FGF12: variants seen among roughly 807,000 people sequenced by gnomAD.
The protein encoded by FGF12 is fibroblast growth factor 12, also known as fibroblast growth factor 12B.
In FGF12, 14 loss-of-function variants were observed where a neutral mutation model predicts 23.6. That is an observed-to-expected ratio of 0.59 (90% CI 0.39 to 0.93). The LOEUF is 0.93. Among genes scored for constraint, FGF12 ranks in the 40% least tolerant of loss-of-function variants. The pLI, the probability that FGF12 is intolerant of heterozygous loss-of-function variation, is 0.00. For missense variants in FGF12, 175 were observed against 217.8 expected (o/e 0.80, Z 1.24); for synonymous variants, 62 against 77.3 (o/e 0.80, Z 1.04).
chr3:192,188,535 G>A (rs1422567376), intron 4 of FGF12, among the ~76,000 whole-genome samples: 4 of 152,098 alleles, frequency 2.6e-5, no homozygotes, highest in African/African-American at 9.7e-5. Flanking sequence ...AAACTGCAGT[G>A]GACAGTTGAG....
In FGF12 at chr3:192,567,926, A is replaced by G. The variant is rs577812827; in HGVS notation, c.13+159255T>C. Among the ~76,000 whole-genome samples, 426 of 150,778 alleles carry G rather than the reference A, an allele frequency of 2.8e-3. 5 individuals carry two copies. Among genetic ancestry groups the G allele is most frequent in the Non-Finnish European group, 2.2e-3 (149 of 67,692 alleles). On this transcript the variant is annotated intron_variant, in intron 2 of 5. Coordinates refer to ENST00000445105, the MANE Select transcript of FGF12 (RefSeq NM_004113.6). The stretch of plus-strand genomic sequence containing the variant: ...TGGCTCACTACAACTTCCCCCTCCT[A>G]GGTGCAAGTGATTCTCCTGCCTCAG...
intron 2 of FGF12, among the ~76,000 whole-genome samples, chr3:192,513,957 CTT>C (rs1472812582): frequency 2.0e-5 from 3 of 152,182 alleles, no homozygotes; most frequent in Non-Finnish European, 4.4e-5. Flanking sequence ...TTTTGCAAGA[CTT>C]CAGCATAAAA....
chr3:192,429,861 C>G (rs1392103588), intron 2 of FGF12, among the ~76,000 whole-genome samples: 3 of 152,086 alleles, frequency 2.0e-5, no homozygotes, highest in African/African-American at 4.8e-5. Flanking sequence ...GTAAAAGGCC[C>G]TTAAGATATT....
chr3:192,553,818 A>T (rs1243417085), intron 2 of FGF12, among the ~76,000 whole-genome samples: 2 of 152,232 alleles, frequency 1.3e-5, no homozygotes, highest in Admixed American at 1.3e-4. Flanking sequence ...CTGCCCAAGG[A>T]ACTGGTTTAT....
chr3:192,194,267 T>C (rs929145976), intron 4 of FGF12, among the ~76,000 whole-genome samples: 3 of 152,210 alleles, frequency 2.0e-5, no homozygotes, highest in African/African-American at 7.2e-5. Flanking sequence ...CCTCAAAGTA[T>C]GCTGAGCCTC....
intron 2 of FGF12, among the ~76,000 whole-genome samples, chr3:192,380,423 T>C (rs1667659937): frequency 6.6e-6 from 1 of 152,118 alleles, no homozygotes; most frequent in African/African-American, 2.4e-5. Flanking sequence ...CAACTTTCAT[T>C]TGCCTGAATG....
At chr3:192,507,058 AT>A (rs1349747828) in intron 2 of FGF12, among the ~76,000 whole-genome samples, 1 of 151,550 alleles carries the variant, frequency 6.6e-6, no homozygotes, top group Non-Finnish European at 1.5e-5. Context: ...CGCCCGGCTA[AT>A]TTTTTTGTAT....
chr3:192,412,199 G>A (rs796782782), intron 2 of FGF12, among the ~76,000 whole-genome samples: 31 of 152,246 alleles, frequency 2.0e-4, no homozygotes, highest in African/African-American at 3.9e-4. Context: ...CCTGTGCACC[G>A]CCACCCTGCG....
rs535435827 is a variant in FGF12 at position 192,157,780 on chromosome 3, G to A, written c.427+12678C>T. ...ATAAAGCACACAGCTATAATAAACCGGGTGCCAAGTACCATCCTATGAGTA... is the reference window on the plus strand; with the variant it reads ...ATAAAGCACACAGCTATAATAAACCAGGTGCCAAGTACCATCCTATGAGTA... On this transcript the variant is annotated intron_variant, in intron 5 of 5. Transcript: ENST00000445105. 7.9e-5 allele frequency among the ~76,000 whole-genome samples: 12 copies of A among 152,214 alleles called. No individual in the cohort carries two copies. The South Asian group carries it at 2.3e-3, about 29-fold the overall frequency.
intron 5 of FGF12, among the ~76,000 whole-genome samples, chr3:192,144,462 G>T (rs761227877): frequency 3.3e-5 from 5 of 152,168 alleles, no homozygotes; most frequent in African/African-American, 1.2e-4. Flanking sequence ...TCGCTTTTTG[G>T]TCCTTAGTCT....
intron 2 of FGF12, among the ~76,000 whole-genome samples, chr3:192,561,889 AAAT>A (rs754554099): frequency 3.3e-5 from 5 of 151,272 alleles, no homozygotes; most frequent in African/African-American, 9.7e-5. Context: ...AAACATGGCA[AAAT>A]AATAATAATA....
chr3:192,639,509 T>C (rs1047044017), intron 2 of FGF12, among the ~76,000 whole-genome samples: 8 of 152,226 alleles, frequency 5.3e-5, no homozygotes, highest in Non-Finnish European at 1.0e-4. Context: ...TCCACATTCA[T>C]TGTAACGTTA....
intron 2 of FGF12, among the ~76,000 whole-genome samples, chr3:192,561,259 C>G (rs1712007036): frequency 6.6e-6 from 1 of 152,018 alleles, no homozygotes; most frequent in African/African-American, 2.4e-5. Flanking sequence ...TTTGAACAGG[C>G]ACGTCAGAAC....
At chr3:192,310,915 C>T (rs1359574719) in intron 4 of FGF12, among the ~76,000 whole-genome samples, 1 of 152,214 alleles carries the variant, frequency 6.6e-6, no homozygotes, top group Non-Finnish European at 1.5e-5. Flanking sequence ...TCCACTACTT[C>T]TTCCACTTTT....
At chr3:192,526,906 G>A (rs1477570138) in intron 2 of FGF12, among the ~76,000 whole-genome samples, 1 of 152,018 alleles carries the variant, frequency 6.6e-6, no homozygotes, top group Non-Finnish European at 1.5e-5. Flanking sequence ...CTACCACATG[G>A]TTTCAAGTAT....
intron 2 of FGF12, among the ~76,000 whole-genome samples, chr3:192,726,083 T>C (rs1396302554): frequency 1.3e-5 from 2 of 152,224 alleles, no homozygotes; most frequent in East Asian, 1.9e-4. Context: ...AAACACTTTA[T>C]TGAACATAGA....
rs111692038 is a variant in FGF12 at position 192,163,446 on chromosome 3, T to A, written c.427+7012A>T. Among the ~76,000 whole-genome samples, 115 of 152,316 alleles carry A rather than the reference T, an allele frequency of 7.6e-4. 1 individual carries two copies. Among genetic ancestry groups the A allele is most frequent in the African/African-American group, 2.7e-3 (113 of 41,570 alleles). On this transcript the variant is annotated intron_variant, in intron 5 of 5. Transcript: ENST00000445105. ...TTAATTTCATGTCAGAGGGACAATTTATATTACATTAGATTCAGTCCAATA... is the reference window on the plus strand; with the variant it reads ...TTAATTTCATGTCAGAGGGACAATTAATATTACATTAGATTCAGTCCAATA...
At chr3:192,537,583 G>A (rs755964748) in intron 2 of FGF12, among the ~76,000 whole-genome samples, 5 of 152,208 alleles carry the variant, frequency 3.3e-5, no homozygotes, top group Non-Finnish European at 5.9e-5. Context: ...ATACCACTTC[G>A]CATGTCTTCT....
intron 4 of FGF12, among the ~76,000 whole-genome samples, chr3:192,186,481 C>T (rs995117045): frequency 6.6e-6 from 1 of 152,188 alleles, no homozygotes; most frequent in Non-Finnish European, 1.5e-5. Flanking sequence ...AGAAGGCTAT[C>T]TACTTCCTTT....
Sources: allele counts gnomAD v4.1 joint callset (sites outside exome capture counted in the v4.1 genomes callset), GRCh38; gene constraint gnomAD v4.1.1; transcripts MANE v1.5; gene names NCBI Gene and HGNC (gene_info 2026-07-23, HGNC 2026-07-21).